Variants in UTS2 observed in about 807,000 individuals in gnomAD.
UTS2 encodes the protein urotensin 2.
Under a neutral mutation model 12.6 loss-of-function variants are expected in UTS2, and 10 were observed. That is an observed-to-expected ratio of 0.80 (90% CI 0.49 to 1.35). The LOEUF (loss-of-function observed/expected upper bound fraction) is 1.35. Ranked by LOEUF, UTS2 falls within the 40% of genes most tolerant of loss-of-function variation. The pLI is 0.00. For synonymous variants in UTS2, 52 were observed against 50.0 expected (o/e 1.04, Z -0.17); for missense variants, 142 against 143.2 (o/e 0.99, Z 0.04).
At chr1:7,911,174 T>C in the UTS2 span, among the ~76,000 whole-genome samples, 1 of 152,146 alleles carries the variant, frequency 6.6e-6, no homozygotes, top group Non-Finnish European at 1.5e-5. Flanking sequence ...ACAGTTTGCT[T>C]CGATTGCCTT....
In UTS2 at chr1:7,847,846, G is replaced by C; in HGVS notation, c.295C>G (p.Leu99Val). The C allele has an allele frequency of 6.2e-7, 1 of 1,613,644 alleles. No homozygotes were observed. The highest frequency in any genetic ancestry group is 8.5e-7 in the Non-Finnish European group (1 of 1,179,858). The change falls in exon 4 of 4, where the codon CTG (leucine) becomes GTG (valine). Residue 99 changes from leucine (L) to valine (V), a missense_variant. Leu to Val is a conservative substitution (Grantham distance 32, BLOSUM62 1). Coordinates refer to ENST00000361696, the MANE Select transcript of UTS2 (RefSeq NM_006786.4). Reference sequence around the variant, plus strand: ...CAGATTCTGGCCAAAAGATGACTCAGTAAAATGTTAGGATCTTGTCCAGAG... The same window carrying C: ...CAGATTCTGGCCAAAAGATGACTCACTAAAATGTTAGGATCTTGTCCAGAG... ...DFSGQDPNIL[L>V]SHLLARIWKP...
chr1:7,906,367 G>A, the UTS2 span, among the ~76,000 whole-genome samples: 1 of 150,864 alleles, frequency 6.6e-6, no homozygotes, highest in Non-Finnish European at 1.5e-5. Context: ...ACTGGTGAAC[G>A]TCTTAACTGT....
At chr1:7,877,872 TAA>T in the UTS2 span, among the ~76,000 whole-genome samples, 104 of 147,912 alleles carry the variant, frequency 7.0e-4, no homozygotes, top group African/African-American at 1.5e-3. Context: ...GACTCTGTCT[TAA>T]AAAAAAAAAA....
chr1:7,885,655 G>T, the UTS2 span, among the ~76,000 whole-genome samples: 1 of 152,050 alleles, frequency 6.6e-6, no homozygotes, highest in African/African-American at 2.4e-5. Context: ...AAGCAGGTGA[G>T]GCGGGGCGTG....
upstream of UTS2, among the ~76,000 whole-genome samples, chr1:7,857,852 G>GAAA (rs3034103): frequency 4.2e-5 from 5 of 118,630 alleles, no homozygotes; most frequent in Admixed American, 9.1e-5. Flanking sequence ...CCAGTCTCCA[G>GAAA]AAAAAAAAAA....
At chr1:7,851,647 A>G (rs1290667581) in intron 1 of UTS2, among the ~76,000 whole-genome samples, 4 of 152,198 alleles carry the variant, frequency 2.6e-5, no homozygotes, top group Non-Finnish European at 5.9e-5. Context: ...AGGCTTACAA[A>G]TAGCTGCAAC....
the UTS2 span, among the ~76,000 whole-genome samples, chr1:7,913,038 G>A: frequency 1.4e-5 from 2 of 145,286 alleles, no homozygotes; most frequent in Admixed American, 1.4e-4. Flanking sequence ...CTCTAACTCT[G>A]TGCTCCAAGA....
chr1:7,910,008 G>A, the UTS2 span, among the ~76,000 whole-genome samples: 4 of 152,130 alleles, frequency 2.6e-5, no homozygotes, highest in African/African-American at 9.7e-5. Flanking sequence ...AGCCATCCAG[G>A]AACTTGCCTT....
chr1:7,860,090 G>A, the UTS2 span, among the ~76,000 whole-genome samples: 3,141 of 152,226 alleles, frequency 0.021, 93 homozygotes, highest in African/African-American at 0.071. Flanking sequence ...CTCATTCAAC[G>A]AACATTGAGC....
chr1:7,897,912 G>A, the UTS2 span, among the ~76,000 whole-genome samples: 14 of 152,076 alleles, frequency 9.2e-5, no homozygotes, highest in Middle Eastern at 3.4e-3. Flanking sequence ...TATATATGTC[G>A]CATCCTTCTT....
At chr1:7,885,670 G>A in the UTS2 span, among the ~76,000 whole-genome samples, 2 of 152,038 alleles carry the variant, frequency 1.3e-5, no homozygotes, top group African/African-American at 4.8e-5. Flanking sequence ...GGCGTGACTT[G>A]AGAGGGCATG....
At position 7,850,816 on chromosome 1, in the gene UTS2, T is replaced by C; in HGVS notation, c.210A>G (p.Lys70=). ...LGAERGDILR[K]ADSSTNIFNP... Reference sequence around the variant, plus strand: ...TAAACATGAGAAGCATTTTACCTGCTTTCCTGAGAATATCCCCTCTTTCTG... The same window carrying C: ...TAAACATGAGAAGCATTTTACCTGCCTTCCTGAGAATATCCCCTCTTTCTG... The change falls in exon 2 of 4, where the codon AAA becomes AAG. Residue 70 remains lysine, a synonymous_variant. Coordinates refer to ENST00000361696, the MANE Select transcript of UTS2 (RefSeq NM_006786.4). 6.2e-7 allele frequency: 1 copy of C among 1,614,184 alleles called. No individual in the cohort carries two copies. Among genetic ancestry groups the C allele is most frequent in the African/African-American group, 1.3e-5 (1 of 75,068 alleles).
the UTS2 span, among the ~76,000 whole-genome samples, chr1:7,897,882 C>T: frequency 2.6e-5 from 4 of 152,060 alleles, no homozygotes; most frequent in South Asian, 2.1e-4. Flanking sequence ...CCACCGTGCC[C>T]GACCATGTTT....
At chr1:7,906,179 A>T in the UTS2 span, among the ~76,000 whole-genome samples, 2 of 152,120 alleles carry the variant, frequency 1.3e-5, no homozygotes, top group Non-Finnish European at 2.9e-5. Context: ...CTGTTTTCAT[A>T]AAATTTGTGA....
At chr1:7,911,366 C>G in the UTS2 span, among the ~76,000 whole-genome samples, 4 of 151,776 alleles carry the variant, frequency 2.6e-5, no homozygotes, top group Non-Finnish European at 5.9e-5. Context: ...AATGAGAATC[C>G]AAGAAGAGCA....
chr1:7,897,255 A>T, the UTS2 span, among the ~76,000 whole-genome samples: 6 of 152,168 alleles, frequency 3.9e-5, no homozygotes, highest in Non-Finnish European at 8.8e-5. Context: ...CCATTGGTCA[A>T]CTTCTTTTTC....
chr1:7,869,334 G>A, the UTS2 span, among the ~76,000 whole-genome samples: 7 of 152,228 alleles, frequency 4.6e-5, no homozygotes, highest in Admixed American at 1.3e-4. Flanking sequence ...AGCCCCCGGC[G>A]GCTGGGGTAC....
intron 3 of UTS2, 108 bp downstream of exon 3, chr1:7,849,532 G>A (rs909260455): frequency 2.0e-6 from 2 of 1,004,458 alleles, no homozygotes; most frequent in East Asian, 2.9e-5. Context: ...TTATTTTAAG[G>A]TGTGGTTTCC....
At chr1:7,895,294 G>A in the UTS2 span, among the ~76,000 whole-genome samples, 7 of 152,098 alleles carry the variant, frequency 4.6e-5, no homozygotes, top group African/African-American at 9.6e-5. Flanking sequence ...CCTTGAACCC[G>A]GGAGGCAGAG....
Sources: allele counts gnomAD v4.1 joint callset (sites outside exome capture counted in the v4.1 genomes callset), GRCh38; gene constraint gnomAD v4.1.1; transcripts MANE v1.5; gene names NCBI Gene and HGNC (gene_info 2026-07-23, HGNC 2026-07-21).